MADD: variants seen among roughly 807,000 people sequenced by gnomAD.
The protein encoded by MADD is MAP kinase-activating death domain protein.
A neutral mutation model predicts 176.7 loss-of-function variants in MADD; 109 were observed. The observed-to-expected ratio is 0.62, with a 90% confidence interval of 0.53 to 0.72. The LOEUF (loss-of-function observed/expected upper bound fraction) is 0.72. MADD is among the 30% of genes least tolerant of loss of function. MADD has a pLI of 0.00. For synonymous variants in MADD, 771 were observed against 771.3 expected (o/e 1.00, Z 0.01); for missense variants, 1,914 against 2,045.5 (o/e 0.94, Z 1.24).
chr11:47,296,956 G>A (rs2072921621), intron 22 of MADD, among the ~76,000 whole-genome samples: 1 of 151,772 alleles, frequency 6.6e-6, no homozygotes, highest in Non-Finnish European at 1.5e-5. Context: ...TTAGTTTTTT[G>A]TAGAGATGGG....
At chr11:47,283,673 G>C (rs2058672116) in intron 10 of MADD, among the ~76,000 whole-genome samples, 1 of 152,214 alleles carries the variant, frequency 6.6e-6, no homozygotes, top group East Asian at 1.9e-4. Context: ...TCGGGTTCAA[G>C]CGATTCTCTT....
At chr11:47,328,945 C>G in intron 32 of MADD, 101 bp from the exon 37 acceptor site, 1 of 1,097,850 alleles carries the variant, frequency 9.1e-7, no homozygotes. Context: ...CCCAGAGGCC[C>G]ATGCCCAGTG....
chr11:47,295,799 A>C, intron 21 of MADD, 98 bp from the exon 24 acceptor site: 1 of 1,528,404 alleles, frequency 6.5e-7, no homozygotes, highest in Non-Finnish European at 8.8e-7. Flanking sequence ...CACTTTTGAA[A>C]TTTAATACTT....
At chr11:47,283,633 G>A (rs1336508445) in intron 10 of MADD, among the ~76,000 whole-genome samples, 1 of 152,118 alleles carries the variant, frequency 6.6e-6, no homozygotes, top group Admixed American at 6.5e-5. Flanking sequence ...GCGCAGTGGC[G>A]TGATCTGGGC....
At chr11:47,289,709 A>G (rs2098812273) in intron 16 of MADD, among the ~76,000 whole-genome samples, 158 bp from the exon 18 acceptor site, 2 of 152,126 alleles carry the variant, frequency 1.3e-5, no homozygotes, top group African/African-American at 2.4e-5. Context: ...ATTTGGACAA[A>G]TCGCGTGCTC....
chr11:47,297,476 T>G (rs1305035642), intron 22 of MADD, among the ~76,000 whole-genome samples: 1 of 151,300 alleles, frequency 6.6e-6, no homozygotes, highest in Non-Finnish European at 1.5e-5. Context: ...AGATGGAGTC[T>G]CGCTGTGTCA....
At chr11:47,296,004 C>T in exon 22 of MADD, 1 of 1,614,102 alleles carries the variant, frequency 6.2e-7, no homozygotes, top group Non-Finnish European at 8.5e-7. Flanking sequence ...GCTCTCGGGG[C>T]ACTTTGTCTG....
intron 31 of MADD, 47 bp downstream of exon 35, chr11:47,326,854 C>T (rs761403712): frequency 6.8e-6 from 11 of 1,611,498 alleles, no homozygotes; most frequent in Middle Eastern, 1.7e-4. Flanking sequence ...ATGGCAGTAA[C>T]TCAAACCTCG....
At chr11:47,303,410 A>G (rs919804483) in intron 22 of MADD, among the ~76,000 whole-genome samples, 1 of 151,324 alleles carries the variant, frequency 6.6e-6, no homozygotes, top group African/African-American at 2.4e-5. Flanking sequence ...GCTAATTTTT[A>G]TGTATTTTTA....
intron 31 of MADD, 190 bp downstream of exon 35, chr11:47,326,997 G>A: frequency 2.2e-6 from 3 of 1,355,586 alleles, no homozygotes; most frequent in Non-Finnish European, 2.9e-6. Flanking sequence ...GATAGATAAT[G>A]GATCGCAGAA....
chr11:47,275,503 C>T (rs1020995760), intron 3 of MADD, among the ~76,000 whole-genome samples: 6 of 152,188 alleles, frequency 3.9e-5, no homozygotes, highest in Admixed American at 6.5e-5. Flanking sequence ...GTTGGCCAGG[C>T]TGGTCTCAAA....
chr11:47,290,572 T>C, intron 18 of MADD, 38 bp from the exon 20 acceptor site: 1 of 1,587,336 alleles, frequency 6.3e-7, no homozygotes, highest in Non-Finnish European at 8.6e-7. Flanking sequence ...TGATTCCTAC[T>C]CACTACTTCT....
chr11:47,323,239 A>G (rs74797783), intron 27 of MADD, among the ~76,000 whole-genome samples: 5 of 72,856 alleles, frequency 6.9e-5, no homozygotes. Flanking sequence ...CTCCATCTCA[A>G]AAAAAAAAAA....
intron 16 of MADD, among the ~76,000 whole-genome samples, 186 bp downstream of exon 17, chr11:47,289,679 G>A (rs549566325): frequency 6.6e-6 from 1 of 152,194 alleles, no homozygotes; most frequent in East Asian, 1.9e-4. Context: ...GTTGAGGGGG[G>A]TTAATCAGCA....
At chr11:47,312,674 G>GA (rs2090426500) in intron 26 of MADD, among the ~76,000 whole-genome samples, 1 of 152,160 alleles carries the variant, frequency 6.6e-6, no homozygotes, top group Admixed American at 6.5e-5. Flanking sequence ...GACCTCAAGT[G>GA]ATCTGCCTGC....
intron 22 of MADD, among the ~76,000 whole-genome samples, chr11:47,301,607 A>G (rs1423016487): frequency 6.6e-6 from 1 of 152,030 alleles, no homozygotes; most frequent in Non-Finnish European, 1.5e-5. Context: ...GGTGTATCCC[A>G]TAGGTTTTGG....
chr11:47,295,680 C>T (rs2070840591), intron 21 of MADD, 101 bp downstream of exon 23: 1 of 1,577,726 alleles, frequency 6.3e-7, no homozygotes, highest in Non-Finnish European at 8.6e-7. Flanking sequence ...AGTCTCAGGT[C>T]AGCATGGTTC....
chr11:47,288,886 T>G, intron 15 of MADD, 82 bp from the exon 16 acceptor site: 1 of 1,006,176 alleles, frequency 9.9e-7, no homozygotes, highest in Non-Finnish European at 1.5e-6. Flanking sequence ...AATGCTCAGA[T>G]TATCTGGCTT....
intron 21 of MADD, 107 bp downstream of exon 23, chr11:47,295,686 G>A: frequency 6.4e-7 from 1 of 1,569,318 alleles, no homozygotes; most frequent in Non-Finnish European, 8.6e-7. Flanking sequence ...AGGTCAGCAT[G>A]GTTCTCATGG....
Sources: gnomAD v4.1 joint callset for allele counts (sites outside exome capture counted in the v4.1 genomes callset) on GRCh38, gnomAD v4.1.1 for gene constraint, MANE v1.5 for transcripts, NCBI Gene and HGNC (gene_info 2026-07-23, HGNC 2026-07-21) for gene names.